The following SEPTIN9 variants were observed in gnomAD, a reference collection of about 807,000 sequenced individuals.
SEPTIN9 encodes septin-9.
In SEPTIN9, 13 loss-of-function variants were observed where a neutral mutation model predicts 56.6. That is an observed-to-expected ratio of 0.23 (90% confidence interval 0.15 to 0.37). The LOEUF is 0.37. Among genes scored for constraint, SEPTIN9 ranks in the 10% least tolerant of loss-of-function variants. The pLI is 1.00. For synonymous variants in SEPTIN9, 332 were observed against 334.1 expected, an observed-to-expected ratio of 0.99 and a Z score of 0.07; for missense variants, 650 against 823.1, an observed-to-expected ratio of 0.79 and a Z score of 2.57.
intron 3 of SEPTIN9, among the ~76,000 whole-genome samples, chr17:77,431,265 A>T (rs755125142): frequency 2.0e-5 from 3 of 152,114 alleles, no homozygotes; most frequent in Non-Finnish European, 2.9e-5. Context: ...CTATGACCAC[A>T]CCACTGTACT....
intron 3 of SEPTIN9, chr17:77,466,337 C>A: frequency 1.0e-6 from 1 of 964,694 alleles, no homozygotes; most frequent in Non-Finnish European, 1.2e-6. Context: ...CCGGGCCAGG[C>A]CCCTTCCCCC....
chr17:77,475,317 T>C lies in SEPTIN9; in HGVS notation c.722-6827T>C. On this transcript the variant is annotated intron_variant, in intron 3 of 11. Coordinates refer to ENST00000427177, the MANE Select transcript of SEPTIN9 (RefSeq NM_001113491.2). The surrounding 1 kb of genome is among the most constrained non-coding windows in gnomAD (Gnocchi z 4.6). Reference sequence around the variant, plus strand: ...GGGAGCGGGGAGGGCAAGCCCTGGTTGCGAGGCAGGGCTTCCCCAGGATTC... The same window carrying C: ...GGGAGCGGGGAGGGCAAGCCCTGGTCGCGAGGCAGGGCTTCCCCAGGATTC... 7.0e-7 allele frequency: 1 copy of C among 1,425,076 alleles called. No individual in the cohort carries two copies. Among genetic ancestry groups the C allele is most frequent in the South Asian group, 1.6e-5 (1 of 64,386 alleles). The allele number at this position is 1,425,076 out of a possible 1,614,324, so 88.3% of individuals were successfully genotyped here. A position where few individuals can be genotyped will look rare whatever the true frequency, so the allele number is the denominator to read the frequency against.
rs939599625 is a variant in SEPTIN9, at chr17:77,421,832, G to A, written c.721+19129G>A. ...CACAGTCGAGACACCCTGGCCGAAG[G>A]TTCTGCTAAGCTCCATGGAGTGTAG... On this transcript the variant is annotated intron_variant, in intron 3 of 11. Coordinates refer to ENST00000427177, the MANE Select transcript of SEPTIN9 (RefSeq NM_001113491.2). The surrounding 1 kb of genome is among the most constrained non-coding windows in gnomAD (Gnocchi z 4.6). Among the ~76,000 whole-genome samples the A allele has an allele frequency of 6.6e-6, 1 of 152,078 alleles. No individual in the cohort carries two copies. Among genetic ancestry groups the A allele is most frequent in the Admixed American group, 6.6e-5 (1 of 15,254 alleles).
intron 3 of SEPTIN9, among the ~76,000 whole-genome samples, chr17:77,410,622 T>C (rs1419249739): frequency 1.3e-5 from 2 of 152,196 alleles, no homozygotes; most frequent in Non-Finnish European, 2.9e-5. Flanking sequence ...GTTTTCTCAT[T>C]GTGGAAGTGG....
Position 77,357,489 on chromosome 17 carries a change from A to G in SEPTIN9, c.77-44570A>G, listed in dbSNP as rs569070999. Among the ~76,000 whole-genome samples, 23 of 152,214 alleles carry G rather than the reference A, an allele frequency of 1.5e-4. No individual in the cohort carries two copies. The East Asian group carries it at 1.7e-3, about 12-fold the overall frequency. On this transcript the variant is annotated intron_variant, in intron 2 of 11. Transcript: ENST00000427177. ...TGCTTTATCACCTCACCGTCCATCTATCCCTCCTTCGCCTGGCCATGAATC... is the reference window on the plus strand; with the variant it reads ...TGCTTTATCACCTCACCGTCCATCTGTCCCTCCTTCGCCTGGCCATGAATC...
At chr17:77,316,024 A>C (rs1003599878) in intron 2 of SEPTIN9, among the ~76,000 whole-genome samples, 12 of 152,192 alleles carry the variant, frequency 7.9e-5, no homozygotes, top group African/African-American at 2.7e-4. Context: ...CCTTTGGTCC[A>C]ATTTGGGAAA....
intron 3 of SEPTIN9, among the ~76,000 whole-genome samples, chr17:77,422,797 A>G (rs2036753149): frequency 6.6e-6 from 1 of 152,098 alleles, no homozygotes; most frequent in Admixed American, 6.5e-5. Context: ...GCCGAAATGC[A>G]GCTTCCTGGG....
At chr17:77,366,154 C>T (rs1568016453) in intron 2 of SEPTIN9, among the ~76,000 whole-genome samples, 1 of 152,166 alleles carries the variant, frequency 6.6e-6, no homozygotes, top group Non-Finnish European at 1.5e-5. Context: ...CGGTGCCAGG[C>T]TGGCCACTCC....
chr17:77,468,018 C>T (rs1317061841), intron 3 of SEPTIN9, among the ~76,000 whole-genome samples: 2 of 152,136 alleles, frequency 1.3e-5, no homozygotes, highest in African/African-American at 2.4e-5. Context: ...GTAATCTCAG[C>T]ACTTTGGGAG....
At position 77,455,400 on chromosome 17, in the gene SEPTIN9, C is replaced by T. The variant is rs539142911; in HGVS notation, c.722-26744C>T. Reference sequence around the variant, plus strand: ...TGTGCCCCCGGCAGGGCCTGCTGCCCCCGCCCTGCTCTGTGGGTGCCAGGC... The same window carrying T: ...TGTGCCCCCGGCAGGGCCTGCTGCCTCCGCCCTGCTCTGTGGGTGCCAGGC... On this transcript the variant is annotated intron_variant, in intron 3 of 11. Transcript: ENST00000427177. Among the ~76,000 whole-genome samples, 8 of 152,340 alleles carry T rather than the reference C, an allele frequency of 5.3e-5. No homozygotes were observed. The South Asian group carries it at 1.7e-3, about 32-fold the overall frequency.
intron 1 of SEPTIN9, 151 bp from the exon 2 acceptor site, chr17:77,306,990 G>T: frequency 1.3e-6 from 1 of 790,146 alleles, no homozygotes. Flanking sequence ...TTACCTGGGG[G>T]AGTAGGGCCT....
chr17:77,479,828 C>G (rs951250085), intron 3 of SEPTIN9, among the ~76,000 whole-genome samples: 10 of 152,108 alleles, frequency 6.6e-5, no homozygotes, highest in Non-Finnish European at 2.9e-5. Flanking sequence ...CAAAATGGCT[C>G]TCAGACCCAC....
At position 77,492,642 on chromosome 17, in the gene SEPTIN9, A is replaced by T; in HGVS notation, c.1402A>T (p.Asn468Tyr). Residue 468 changes from asparagine (N) to tyrosine (Y), a missense_variant, in exon 9 of 12, where the codon AAC becomes TAC. Asn to Tyr is a moderately radical substitution (Grantham distance 143). This residue lies in a region of SEPTIN9 where 333 missense variants were observed against 494.0 expected (regional missense o/e 0.67). Coordinates refer to ENST00000427177, the MANE Select transcript of SEPTIN9 (RefSeq NM_001113491.2). The surrounding 1 kb of genome is among the most constrained non-coding windows in gnomAD (Gnocchi z 5.4). ...CCAGATCACCGCAGACCTGCTGTCC[A>T]ACGGCATCGACGTGTACCCCCAGAA... Reference protein sequence around the residue: ...KQRITADLLSNGIDVYPQKEF... With the variant: ...KQRITADLLSYGIDVYPQKEF... 1.2e-6 allele frequency: 2 copies of T among 1,614,092 alleles called. No homozygotes were observed. The highest frequency in any genetic ancestry group is 1.7e-6 in the Non-Finnish European group (2 of 1,180,016).
chr17:77,458,438 A>T (rs955613696), intron 3 of SEPTIN9, among the ~76,000 whole-genome samples: 2 of 152,198 alleles, frequency 1.3e-5, no homozygotes, highest in Admixed American at 6.5e-5. Flanking sequence ...AGGTCTGCAG[A>T]CAGGGAGGAG....
At chr17:77,489,267 C>T (rs751506394) in intron 7 of SEPTIN9, among the ~76,000 whole-genome samples, 1 of 152,188 alleles carries the variant, frequency 6.6e-6, no homozygotes, top group Admixed American at 6.5e-5. Flanking sequence ...GGGTTTGGTG[C>T]GTTCTTAGAC....
chr17:77,308,118 G>A (rs553716338), intron 2 of SEPTIN9, among the ~76,000 whole-genome samples: 2 of 152,326 alleles, frequency 1.3e-5, no homozygotes, highest in African/African-American at 2.4e-5. Context: ...CCTAGGAGAC[G>A]AGGAGCTCTG....
At chr17:77,481,617 A>G (rs1312945206) in intron 3 of SEPTIN9, among the ~76,000 whole-genome samples, 6 of 152,220 alleles carry the variant, frequency 3.9e-5, no homozygotes, top group Non-Finnish European at 5.9e-5. Context: ...CGTTTCTTAC[A>G]AGACCATCCC....
chr17:77,348,108 A>ATT (rs2033942448), intron 2 of SEPTIN9, among the ~76,000 whole-genome samples: 1 of 152,058 alleles, frequency 6.6e-6, no homozygotes. Context: ...GAGTCTTGCT[A>ATT]TTTTATTCAT....
rs11867330 is a variant in SEPTIN9, at chr17:77,425,922, G to C, written c.721+23219G>C. Among the ~76,000 whole-genome samples, 2 of 152,212 alleles carry C rather than the reference G, an allele frequency of 1.3e-5. No individual in the cohort carries two copies. Among genetic ancestry groups the C allele is most frequent in the Admixed American group, 1.3e-4 (2 of 15,282 alleles). ...TCTGTAGAGGAGAGGCTGCTGTGCC[G>C]GCCCCGCAGGGCCCTGTGCAGAGGG... is the stretch of plus-strand genomic sequence containing the variant. On this transcript the variant is annotated intron_variant, in intron 3 of 11. Coordinates refer to ENST00000427177, the MANE Select transcript of SEPTIN9 (RefSeq NM_001113491.2). The surrounding 1 kb of genome is among the most constrained non-coding windows in gnomAD (Gnocchi z 4.2).
Sources: allele counts gnomAD v4.1 joint callset (sites outside exome capture counted in the v4.1 genomes callset), GRCh38; gene constraint gnomAD v4.1.1; regional missense constraint gnomAD v4.1.1; non-coding constraint Gnocchi (gnomAD v3.1); transcripts MANE v1.5; gene names NCBI Gene and HGNC (gene_info 2026-07-23, HGNC 2026-07-21).